Variants in OR3A2 observed in about 807,000 individuals in gnomAD.
The protein encoded by OR3A2 is olfactory receptor 3A2.
For missense variants in OR3A2, 318 were observed against 392.8 expected (o/e 0.81, Z 1.61); for synonymous variants, 126 against 159.3 (o/e 0.79, Z 1.57).
chr17:3,367,599 G>A (rs923663726), intron 2 of OR3A2, among the ~76,000 whole-genome samples: 1 of 85,950 alleles, frequency 1.2e-5, no homozygotes, highest in Non-Finnish European at 2.3e-5. Context: ...GTGTGTGTGT[G>A]TGTATATATA....
intron 2 of OR3A2, among the ~76,000 whole-genome samples, chr17:3,381,079 C>T (rs922370498): frequency 2.0e-5 from 3 of 151,700 alleles, no homozygotes; most frequent in Non-Finnish European, 1.5e-5. Context: ...TAGGTGTCTA[C>T]GTCTGTGTGT....
intron 2 of OR3A2, among the ~76,000 whole-genome samples, chr17:3,382,967 G>A (rs58512379): frequency 0.15 from 22,981 of 152,128 alleles, 2,309 homozygotes; most frequent in African/African-American, 0.28. Flanking sequence ...TCAATAAAGG[G>A]GCATGAATTG....
At chr17:3,310,915 T>C in intron 3 of OR3A2, 1 of 673,178 alleles carries the variant, frequency 1.5e-6, no homozygotes, top group Non-Finnish European at 2.6e-6. Flanking sequence ...GGGCAGTTGC[T>C]GTTTGTAGCA....
chr17:3,310,425 G>A (rs773612096), intron 3 of OR3A2: 11 of 535,342 alleles, frequency 2.1e-5, no homozygotes, highest in South Asian at 5.5e-5. Context: ...TCTTGCTTAC[G>A]TCACTACCAT....
chr17:3,336,388 C>T (rs1241280009), intron 2 of OR3A2, among the ~76,000 whole-genome samples: 4 of 152,012 alleles, frequency 2.6e-5, no homozygotes, highest in South Asian at 2.1e-4. Context: ...ATGTGAATGC[C>T]AGGAAAACAA....
intron 3 of OR3A2, among the ~76,000 whole-genome samples, chr17:3,294,950 G>C (rs1443093070): frequency 6.6e-6 from 1 of 151,842 alleles, no homozygotes; most frequent in East Asian, 1.9e-4. Context: ...TCAGAGTTTT[G>C]TTTTGTTTGT....
rs1453275245 is a variant in OR3A2, at chr17:3,327,922, G to A, written c.-85+8111C>T. 2.4e-5 allele frequency among the ~76,000 whole-genome samples: 3 copies of A among 123,404 alleles called. 1 individual carries two copies. The highest frequency in any genetic ancestry group is 5.1e-5 in the Non-Finnish European group (3 of 59,328). The allele number at this position is 123,404 out of a possible 152,430, so 81.0% of individuals were successfully genotyped here. On this transcript the variant is annotated intron_variant, in intron 3 of 4. Transcript: ENST00000573491. ...TTCTGTTCCATTGACCTATATCTCT[G>A]TTTTGGTACCAGTACCATGCTGTTT...
chr17:3,292,494 A>G (rs767101570), intron 3 of OR3A2: 29 of 1,613,764 alleles, frequency 1.8e-5, no homozygotes, highest in Non-Finnish European at 2.5e-5. Context: ...GAGCACAAAG[A>G]CAACTGGCTG....
upstream of OR3A2, chr17:3,284,645 T>G (rs2048796559): frequency 6.8e-6 from 1 of 147,418 alleles, no homozygotes; most frequent in Non-Finnish European, 1.5e-5. Context: ...CTTCTGGTAT[T>G]TAGACTTTCT....
At chr17:3,298,948 A>T (rs2048942096) in intron 3 of OR3A2, among the ~76,000 whole-genome samples, 1 of 152,194 alleles carries the variant, frequency 6.6e-6, no homozygotes, top group African/African-American at 2.4e-5. Context: ...ACAGAGCAAT[A>T]AACAACCCAA....
downstream of OR3A2, among the ~76,000 whole-genome samples, chr17:3,276,759 T>G (rs546424049): frequency 6.6e-6 from 1 of 152,236 alleles, no homozygotes; most frequent in South Asian, 2.1e-4. Context: ...ATCATATGTG[T>G]GAGGAAGGTA....
chr17:3,336,665 G>A (rs1236634547), intron 2 of OR3A2, among the ~76,000 whole-genome samples: 1 of 152,110 alleles, frequency 6.6e-6, no homozygotes, highest in Admixed American at 6.5e-5. Context: ...ATTTGAAGAT[G>A]TATCCAAATC....
At chr17:3,382,460 T>C (rs996063691) in intron 2 of OR3A2, among the ~76,000 whole-genome samples, 5 of 152,182 alleles carry the variant, frequency 3.3e-5, no homozygotes, top group Non-Finnish European at 7.4e-5. Context: ...CCTTCAAGAC[T>C]GGGTACCTCT....
intron 2 of OR3A2, among the ~76,000 whole-genome samples, chr17:3,350,563 T>C (rs1401926365): frequency 6.7e-6 from 1 of 149,552 alleles, no homozygotes; most frequent in African/African-American, 2.5e-5. Flanking sequence ...CCAAAAAGAG[T>C]CCAGGACCAG....
exon 2 of OR3A2, chr17:3,278,171 G>A (rs781195603): frequency 2.1e-5 from 34 of 1,614,086 alleles, no homozygotes; most frequent in Middle Eastern, 3.3e-4. Context: ...GACAAACCAC[G>A]GTGAGGTGGG....
rs2049206649 is a variant in OR3A2, at chr17:3,329,209, A to C, written c.-85+6824T>G. ...TGACTCTGCCCGGCTTTGGTATCAG[A>C]ATGATGCTGGCCTCATAAAATGAGT... On this transcript the variant is annotated intron_variant, in intron 3 of 4. Transcript: ENST00000573491. 1.3e-5 allele frequency among the ~76,000 whole-genome samples: 2 copies of C among 151,742 alleles called. 1 individual carries two copies. The highest frequency in any genetic ancestry group is 4.2e-4 in the South Asian group (2 of 4,802).
chr17:3,377,200 G>A (rs2049692411), intron 2 of OR3A2, among the ~76,000 whole-genome samples: 1 of 152,200 alleles, frequency 6.6e-6, no homozygotes, highest in Non-Finnish European at 1.5e-5. Context: ...TCTCCACACG[G>A]TGTTCTGTCC....
At chr17:3,277,757 T>TG (rs2048748275) in exon 2 of OR3A2, 1 of 538,294 alleles carries the variant, frequency 1.9e-6, no homozygotes. Flanking sequence ...ACCAATGCCT[T>TG]GGAAGACTGT....
intron 3 of OR3A2, among the ~76,000 whole-genome samples, chr17:3,305,214 T>C (rs2048990773): frequency 1.3e-5 from 2 of 152,212 alleles, no homozygotes; most frequent in African/African-American, 4.8e-5. Flanking sequence ...CATGTACTGA[T>C]GTCTGCGTCT....
Sources: allele counts gnomAD v4.1 joint callset (sites outside exome capture counted in the v4.1 genomes callset), GRCh38; gene constraint gnomAD v4.1.1; transcripts MANE v1.5; gene names NCBI Gene and HGNC (gene_info 2026-07-23, HGNC 2026-07-21).